CPA6: variants seen among roughly 807,000 people sequenced by gnomAD.
The protein encoded by CPA6 is carboxypeptidase A6, also known as carboxypeptidase B.
A neutral mutation model predicts 63.3 loss-of-function variants in CPA6; 58 were observed. The ratio of observed to expected loss-of-function variants is 0.92; its 90% CI spans 0.74 to 1.14. CPA6 has a LOEUF of 1.14. Ranked by LOEUF, CPA6 falls within the 50% of genes most tolerant of loss-of-function variation. The pLI is 0.00. For synonymous variants in CPA6, 185 were observed against 179.0 expected, an observed-to-expected ratio of 1.03 and a Z score of -0.27; for missense variants, 565 against 526.6, an observed-to-expected ratio of 1.07 and a Z score of -0.71.
chr8:67,728,355 C>CT (rs917959950), intron 1 of CPA6, among the ~76,000 whole-genome samples: 5 of 151,804 alleles, frequency 3.3e-5, no homozygotes, highest in East Asian at 3.9e-4. Context: ...ACTTGTATAC[C>CT]TTTTTTTTCA....
chr8:67,624,826 C>T (rs1299406930), intron 1 of CPA6, among the ~76,000 whole-genome samples: 2 of 152,070 alleles, frequency 1.3e-5, no homozygotes, highest in Admixed American at 6.6e-5. Flanking sequence ...ACACTGATGG[C>T]TGTAAATTTT....
At chr8:67,438,410 A>G (rs529972513) in intron 8 of CPA6, among the ~76,000 whole-genome samples, 3 of 151,970 alleles carry the variant, frequency 2.0e-5, no homozygotes, top group African/African-American at 7.2e-5. Context: ...CAACAGCAAC[A>G]TGAGTACTAT....
chr8:67,740,878 C>T (rs1473907467), intron 1 of CPA6, among the ~76,000 whole-genome samples: 2 of 151,802 alleles, frequency 1.3e-5, no homozygotes, highest in Non-Finnish European at 2.9e-5. Flanking sequence ...CCCCAAACTA[C>T]TTTTCAAAAA....
At chr8:67,483,416 G>T in intron 8 of CPA6, 1 of 321,758 alleles carries the variant, frequency 3.1e-6, no homozygotes, top group Non-Finnish European at 5.9e-6. Context: ...AGTGGTGCTT[G>T]TATGAAAAGG....
At chr8:67,437,794 A>C (rs1423957743) in intron 8 of CPA6, among the ~76,000 whole-genome samples, 1 of 152,232 alleles carries the variant, frequency 6.6e-6, no homozygotes, top group Non-Finnish European at 1.5e-5. Flanking sequence ...TGACAGAAAA[A>C]TGAAAGGGCA....
At chr8:67,552,773 T>TGAA (rs1563997380) in intron 2 of CPA6, among the ~76,000 whole-genome samples, 1 of 8,692 alleles carries the variant, frequency 1.2e-4, no homozygotes, top group African/African-American at 2.5e-4. Flanking sequence ...CAAGACTGTC[T>TGAA]CAAAAAAAAA....
chr8:67,445,226 T>A (rs1183457028), intron 8 of CPA6, among the ~76,000 whole-genome samples: 1 of 129,118 alleles, frequency 7.7e-6, no homozygotes, highest in Non-Finnish European at 1.5e-5. Context: ...AGATTTAAGA[T>A]TTTTTTTTGG....
At chr8:67,453,688 G>A (rs568670871) in intron 8 of CPA6, among the ~76,000 whole-genome samples, 14 of 151,830 alleles carry the variant, frequency 9.2e-5, no homozygotes, top group Non-Finnish European at 1.6e-4. Context: ...TAGATTTGGC[G>A]TCTTCTCTAA....
At chr8:67,508,992 AAGG>A (rs1404919076) in intron 5 of CPA6, among the ~76,000 whole-genome samples, 12 of 152,214 alleles carry the variant, frequency 7.9e-5, no homozygotes, top group Admixed American at 6.6e-4. Flanking sequence ...GTCATGGCAG[AAGG>A]AGGAGAGGAA....
chr8:67,475,875 CTTTCTCCTTT>C (rs1563967959), intron 8 of CPA6, among the ~76,000 whole-genome samples: 290 of 72,334 alleles, frequency 4.0e-3, no homozygotes, highest in Middle Eastern at 6.8e-3. Context: ...TTCTTTCTTT[CTTTCTCCTTT>C]CTTTCTTTCT....
intron 1 of CPA6, among the ~76,000 whole-genome samples, chr8:67,733,224 A>AAC (rs758317195): frequency 3.0e-5 from 1 of 33,082 alleles, no homozygotes; most frequent in East Asian, 1.1e-3. Context: ...AAAAAAAAAA[A>AAC]TAAAAAAATT....
intron 1 of CPA6, among the ~76,000 whole-genome samples, chr8:67,714,283 C>A (rs372271848): frequency 2.6e-5 from 4 of 151,952 alleles, no homozygotes; most frequent in Non-Finnish European, 5.9e-5. Context: ...GAGTGGAAAG[C>A]GACTAAAAAG....
intron 2 of CPA6, among the ~76,000 whole-genome samples, chr8:67,542,404 G>A (rs937320297): frequency 9.2e-5 from 14 of 152,202 alleles, no homozygotes; most frequent in African/African-American, 3.1e-4. Flanking sequence ...GAAAGGTTAA[G>A]TCTTCCACCA....
intron 2 of CPA6, among the ~76,000 whole-genome samples, chr8:67,527,681 C>T (rs1812393275): frequency 6.6e-6 from 1 of 152,172 alleles, no homozygotes; most frequent in Non-Finnish European, 1.5e-5. Context: ...AGAAAAAAGG[C>T]TCTCAATAAT....
At chr8:67,471,702 A>G (rs1313599223) in intron 8 of CPA6, among the ~76,000 whole-genome samples, 1 of 152,222 alleles carries the variant, frequency 6.6e-6, no homozygotes, top group African/African-American at 2.4e-5. Context: ...GATAAAAAGA[A>G]TATCATCATT....
intron 2 of CPA6, among the ~76,000 whole-genome samples, chr8:67,546,333 C>G (rs1023859170): frequency 1.3e-5 from 2 of 152,196 alleles, no homozygotes; most frequent in African/African-American, 4.8e-5. Context: ...ATTAAGCTTT[C>G]TCAGTCTGGC....
intron 2 of CPA6, among the ~76,000 whole-genome samples, chr8:67,547,637 G>C (rs1316927726): frequency 6.6e-6 from 1 of 151,926 alleles, no homozygotes; most frequent in African/African-American, 2.4e-5. Flanking sequence ...TGGGCCCACA[G>C]GTGAATGCCA....
At chr8:67,475,831 C>CT (rs1409641877) in intron 8 of CPA6, among the ~76,000 whole-genome samples, 971 of 49,882 alleles carry the variant, frequency 0.019, 18 homozygotes, top group African/African-American at 0.043. Context: ...TCTTTTCTTT[C>CT]TTTCTTTCTT....
chr8:67,532,638 G>T (rs1812502394), intron 2 of CPA6, among the ~76,000 whole-genome samples: 1 of 152,108 alleles, frequency 6.6e-6, no homozygotes, highest in Non-Finnish European at 1.5e-5. Flanking sequence ...GAGCACTCCA[G>T]CCTGGGCAAC....
Sources: allele counts gnomAD v4.1 joint callset (sites outside exome capture counted in the v4.1 genomes callset), GRCh38; gene constraint gnomAD v4.1.1; transcripts MANE v1.5; gene names NCBI Gene and HGNC (gene_info 2026-07-23, HGNC 2026-07-21).